The following NRCAM variants were observed in gnomAD, a reference collection of about 807,000 sequenced individuals.
The protein encoded by NRCAM is NgCAM-related cell adhesion molecule.
In NRCAM, 83 loss-of-function variants were observed where a neutral mutation model predicts 156.5. The ratio of observed to expected loss-of-function variants is 0.53; its 90% confidence interval spans 0.44 to 0.64. The LOEUF is 0.64. Among genes scored for constraint, NRCAM ranks in the 30% least tolerant of loss-of-function variants. NRCAM has a pLI of 0.00. For missense variants in NRCAM, 1,417 were observed against 1,597.3 expected (o/e 0.89, Z 1.92); for synonymous variants, 538 against 563.9 (o/e 0.95, Z 0.65).
Position 108,176,340 on chromosome 7 carries a change from G to A in NRCAM, c.3151+90C>T, listed in dbSNP as rs978058216. The A allele has an allele frequency of 3.1e-5, 36 of 1,150,308 alleles. No homozygotes were observed. In the Admixed American group the frequency reaches 3.5e-4, roughly 11 times the overall value. 71.3% of individuals were successfully genotyped at this position (1,150,308 alleles called of 1,614,324 possible). ...TTTGCGTTAATCAGGTAAGACAGAC[G>A]TTCCATAGCAAGAAGGAAAAAGCAT... On this transcript the variant is annotated intron_variant, in intron 27 of 32. Coordinates refer to ENST00000379028, the MANE Select transcript of NRCAM (RefSeq NM_001037132.4).
intron 2 of NRCAM, among the ~76,000 whole-genome samples, chr7:108,314,051 C>T (rs898909273): frequency 6.6e-6 from 1 of 152,188 alleles, no homozygotes; most frequent in Non-Finnish European, 1.5e-5. Context: ...GGGCAAAACG[C>T]TCTAAAAAGC....
intron 2 of NRCAM, among the ~76,000 whole-genome samples, chr7:108,374,301 CA>C (rs1455689633): frequency 6.6e-6 from 1 of 152,060 alleles, no homozygotes; most frequent in Non-Finnish European, 1.5e-5. Context: ...TGATGAGGAA[CA>C]ACTGATAACT....
chr7:108,396,275 C>T (rs1348497856), intron 2 of NRCAM, among the ~76,000 whole-genome samples: 1 of 152,142 alleles, frequency 6.6e-6, no homozygotes, highest in Non-Finnish European at 1.5e-5. Context: ...TGGCAGCTTT[C>T]GGGATGAGTG....
rs544672221 is a variant in NRCAM at position 108,366,949 on chromosome 7, C to T, written c.-174+32487G>A. 5.3e-5 allele frequency among the ~76,000 whole-genome samples: 8 copies of T among 152,282 alleles called. No individual in the cohort carries two copies. The South Asian group carries it at 1.7e-3, about 32-fold the overall frequency. ...AATGTGTTATCTTCCATATTATTTT[C>T]GTACCCCAGAGCAACTAACTGTATC... On this transcript the variant is annotated intron_variant, in intron 2 of 32. Transcript: ENST00000379028.
At chr7:108,385,799 G>A (rs12333431) in intron 2 of NRCAM, among the ~76,000 whole-genome samples, 49,466 of 151,834 alleles carry the variant, frequency 0.33, 8,603 homozygotes, top group East Asian at 0.49. Flanking sequence ...GAGAGAATAT[G>A]GAAGGCATGA....
intron 3 of NRCAM, among the ~76,000 whole-genome samples, chr7:108,276,245 A>C (rs1332930889): frequency 2.0e-5 from 3 of 152,200 alleles, no homozygotes; most frequent in Admixed American, 6.5e-5. Context: ...GATGTCTATT[A>C]GGTCTGGTTG....
At chr7:108,159,870 T>C (rs537675276) in intron 31 of NRCAM, among the ~76,000 whole-genome samples, 1 of 152,270 alleles carries the variant, frequency 6.6e-6, no homozygotes, top group East Asian at 1.9e-4. Context: ...AAGAGTATTC[T>C]CTCACAGATT....
intron 1 of NRCAM, among the ~76,000 whole-genome samples, chr7:108,401,084 AC>A (rs1378296876): frequency 1.3e-5 from 2 of 151,498 alleles, no homozygotes; most frequent in Admixed American, 1.3e-4. Context: ...ACATGGTGAA[AC>A]CCCGTCTCTA....
intron 1 of NRCAM, among the ~76,000 whole-genome samples, chr7:108,405,642 A>G (rs986603202): frequency 1.3e-5 from 2 of 152,210 alleles, no homozygotes; most frequent in Non-Finnish European, 2.9e-5. Flanking sequence ...TTAAGCAAAC[A>G]CACAAACAAA....
chr7:108,309,766 A>T (rs1169418125), intron 3 of NRCAM, among the ~76,000 whole-genome samples: 8 of 152,206 alleles, frequency 5.3e-5, no homozygotes, highest in Admixed American at 5.2e-4. Flanking sequence ...CTGAGGGATG[A>T]GAATCACTTG....
intron 11 of NRCAM, among the ~76,000 whole-genome samples, chr7:108,220,647 G>A (rs753752372): frequency 3.3e-5 from 5 of 152,318 alleles, no homozygotes; most frequent in South Asian, 2.1e-4. Context: ...CTAGCCACAT[G>A]TAGGAGAATG....
intron 2 of NRCAM, among the ~76,000 whole-genome samples, chr7:108,384,032 G>A (rs115493441): frequency 0.014 from 2,080 of 152,200 alleles, 43 homozygotes; most frequent in African/African-American, 0.047. Context: ...GCTCTTATAA[G>A]TGGGAGCTAA....
intron 11 of NRCAM, among the ~76,000 whole-genome samples, chr7:108,215,930 T>G (rs2088363409): frequency 6.6e-6 from 1 of 152,240 alleles, no homozygotes; most frequent in African/African-American, 2.4e-5. Context: ...AATATTGTTA[T>G]GTGTGAATTT....
intron 3 of NRCAM, among the ~76,000 whole-genome samples, chr7:108,309,620 G>C (rs929570378): frequency 4.6e-5 from 7 of 152,108 alleles, no homozygotes; most frequent in African/African-American, 1.7e-4. Flanking sequence ...ACTTTGTGAG[G>C]CCAAGGCAGG....
chr7:108,418,020 G>C (rs117896734), intron 1 of NRCAM, among the ~76,000 whole-genome samples: 1,779 of 152,202 alleles, frequency 0.012, 15 homozygotes, highest in South Asian at 0.017. Context: ...GACTTCAGCA[G>C]AAGAATAAAA....
chr7:108,323,239 T>C (rs1055009662), intron 2 of NRCAM, among the ~76,000 whole-genome samples: 2 of 152,236 alleles, frequency 1.3e-5, no homozygotes, highest in Admixed American at 6.5e-5. Context: ...GACACTGTTT[T>C]TGTTAATGTA....
At chr7:108,153,677 A>C (rs60995779) in intron 32 of NRCAM, among the ~76,000 whole-genome samples, 25,714 of 152,156 alleles carry the variant, frequency 0.17, 3,052 homozygotes, top group African/African-American at 0.34. Flanking sequence ...ATGATTGTGC[A>C]TATAAAAAAT....
intron 2 of NRCAM, among the ~76,000 whole-genome samples, chr7:108,332,036 T>C (rs935177270): frequency 2.0e-5 from 3 of 152,222 alleles, no homozygotes; most frequent in Non-Finnish European, 4.4e-5. Flanking sequence ...TGAAATGCTA[T>C]GCTATGCCAA....
At chr7:108,216,722 T>C (rs978728137) in intron 11 of NRCAM, among the ~76,000 whole-genome samples, 1 of 152,220 alleles carries the variant, frequency 6.6e-6, no homozygotes, top group Admixed American at 6.5e-5. Flanking sequence ...AATACTTGTG[T>C]ATGCGTCACG....
Sources: allele counts gnomAD v4.1 joint callset (sites outside exome capture counted in the v4.1 genomes callset), GRCh38; gene constraint gnomAD v4.1.1; transcripts MANE v1.5; gene names NCBI Gene and HGNC (gene_info 2026-07-23, HGNC 2026-07-21).